The following PPM1E variants were observed in gnomAD, a reference collection of about 807,000 sequenced individuals.
The protein encoded by PPM1E is protein phosphatase, Mg2+/Mn2+ dependent 1E.
A neutral mutation model predicts 65.9 loss-of-function variants in PPM1E; 20 were observed. The observed-to-expected ratio is 0.30, with a 90% CI of 0.21 to 0.44. The LOEUF (loss-of-function observed/expected upper bound fraction) is 0.44, where lower values mean the gene tolerates loss of function less well. PPM1E is among the 20% of genes least tolerant of loss of function. The pLI is 1.00. For missense variants in PPM1E, 713 were observed against 953.1 expected (o/e 0.75, Z 3.32); for synonymous variants, 352 against 374.9 (o/e 0.94, Z 0.70).
chr17:58,756,235 G>T lies in PPM1E; in HGVS notation c.238G>T (p.Asp80Tyr), dbSNP rs996865979. The T allele has an allele frequency of 6.4e-7, 1 of 1,552,908 alleles. No individual in the cohort carries two copies. The highest frequency in any genetic ancestry group is 1.4e-5 in the African/African-American group (1 of 73,316). ...CACGGTAGCCGCGACGGAGGAGGGG[G>T]ACCAGGAGCAAGACCCGGAGCCCGA... ...AATVAATEEGDQEQDPEPEEE... is the reference protein window; with the variant it reads ...AATVAATEEGYQEQDPEPEEE... The change falls in exon 1 of 7, where the codon GAC (aspartate) becomes TAC (tyrosine). Residue 80 changes from aspartate (D) to tyrosine (Y), a missense_variant. Asp to Tyr is a radical substitution (Grantham distance 160, BLOSUM62 -3). Around this residue, in one of 6 missense-constraint regions of PPM1E, gnomAD observed 212 missense variants for 204.0 expected, o/e 1.04. Coordinates refer to ENST00000308249, the MANE Select transcript of PPM1E (RefSeq NM_014906.5).
At chr17:58,786,656 T>C (rs1018906927) in intron 1 of PPM1E, among the ~76,000 whole-genome samples, 27 of 152,314 alleles carry the variant, frequency 1.8e-4, no homozygotes, top group African/African-American at 6.0e-4. Context: ...TTAAATATTT[T>C]TGGATTGCAG....
chr17:58,921,265 A>C (rs934791556), intron 1 of PPM1E, among the ~76,000 whole-genome samples: 2 of 152,322 alleles, frequency 1.3e-5, no homozygotes. Context: ...GAGGAGGTGA[A>C]ATGTTGGTCA....
chr17:58,910,388 C>G (rs1258066721), intron 1 of PPM1E, among the ~76,000 whole-genome samples: 1 of 152,124 alleles, frequency 6.6e-6, no homozygotes, highest in Admixed American at 6.6e-5. Context: ...TACCGCCCAT[C>G]TCTTTTTGCA....
intron 1 of PPM1E, among the ~76,000 whole-genome samples, chr17:58,819,985 C>T (rs902249185): frequency 1.3e-5 from 2 of 151,782 alleles, no homozygotes; most frequent in African/African-American, 2.4e-5. Context: ...TGCAGTGAGC[C>T]GAGATGGCAC....
At chr17:58,887,036 G>A (rs749373889) in intron 1 of PPM1E, among the ~76,000 whole-genome samples, 4 of 151,940 alleles carry the variant, frequency 2.6e-5, no homozygotes, top group African/African-American at 4.8e-5. Flanking sequence ...AAAAATGTTA[G>A]CACTGCATAT....
chr17:58,834,047 G>A (rs1239535142), intron 1 of PPM1E, among the ~76,000 whole-genome samples: 2 of 152,136 alleles, frequency 1.3e-5, no homozygotes, highest in African/African-American at 2.4e-5. Flanking sequence ...CTTCTTTTGC[G>A]AAGTGTCTGT....
chr17:58,826,226 G>A (rs1247080091), intron 1 of PPM1E, among the ~76,000 whole-genome samples: 1 of 151,180 alleles, frequency 6.6e-6, no homozygotes, highest in Non-Finnish European at 1.5e-5. Flanking sequence ...GAACCTAGGA[G>A]GCAGAGGTTG....
At chr17:58,773,561 T>A (rs1437667811) in intron 1 of PPM1E, among the ~76,000 whole-genome samples, 1 of 152,156 alleles carries the variant, frequency 6.6e-6, no homozygotes, top group Non-Finnish European at 1.5e-5. Flanking sequence ...TTCCTTTGTA[T>A]TATAAGTCAT....
chr17:58,816,783 TATATATA>T (rs1873234546), intron 1 of PPM1E, among the ~76,000 whole-genome samples: 8 of 12,048 alleles, frequency 6.6e-4, no homozygotes, highest in East Asian at 2.3e-3. Flanking sequence ...TATATATATA[TATATATA>T]TATATTTTTT....
chr17:58,968,102 A>G (rs2030374129), intron 3 of PPM1E, among the ~76,000 whole-genome samples: 1 of 152,124 alleles, frequency 6.6e-6, no homozygotes, highest in Non-Finnish European at 1.5e-5. Flanking sequence ...GCACCCGGCC[A>G]GGATTATTTC....
chr17:58,785,778 C>T (rs117604500), intron 1 of PPM1E, among the ~76,000 whole-genome samples: 46 of 152,018 alleles, frequency 3.0e-4, no homozygotes, highest in East Asian at 2.3e-3. Context: ...AATTGAAACA[C>T]GTTTCAGTTC....
chr17:58,848,895 T>G (rs1227376794), intron 1 of PPM1E, among the ~76,000 whole-genome samples: 1 of 152,236 alleles, frequency 6.6e-6, no homozygotes. Flanking sequence ...TGTGAATCCA[T>G]CTGGTCCTGG....
rs569362154 is a variant in PPM1E at position 58,756,006 on chromosome 17, C to T, written c.9C>T (p.Gly3=). 1 of 1,614,024 alleles carries T rather than the reference C, an allele frequency of 6.2e-7. No homozygotes were observed. Among genetic ancestry groups the T allele is most frequent in the South Asian group, 1.1e-5 (1 of 91,074 alleles). The change falls in exon 1 of 7, where the codon GGC becomes GGT. Residue 3 remains glycine, a synonymous_variant. Transcript: ENST00000308249. ...CTGGGGCATGAGCAGCGATGGCCGGCTGCATCCCTGAGGAGAAAACTTACC... is the reference window on the plus strand; with the variant it reads ...CTGGGGCATGAGCAGCGATGGCCGGTTGCATCCCTGAGGAGAAAACTTACC... MA[G]CIPEEKTYRR...
At chr17:58,942,794 T>C (rs2052091815) in intron 1 of PPM1E, among the ~76,000 whole-genome samples, 1 of 151,490 alleles carries the variant, frequency 6.6e-6, no homozygotes, top group Non-Finnish European at 1.5e-5. Flanking sequence ...CTGCACATTG[T>C]GCACATGTAC....
Position 58,903,794 on chromosome 17 carries a change from T to C in PPM1E, c.465-51855T>C, listed in dbSNP as rs2051524235. On this transcript the variant is annotated intron_variant, in intron 1 of 6. Transcript: ENST00000308249. ...AATAAAATGGGCACCTTGGATATTA[T>C]GTTTACTTCTTGTTGTAAAAAACAG... Among the ~76,000 whole-genome samples, 5 of 152,232 alleles carry C rather than the reference T, an allele frequency of 3.3e-5. No individual in the cohort carries two copies. In the South Asian group the frequency reaches 8.3e-4, roughly 25 times the overall value.
intron 1 of PPM1E, among the ~76,000 whole-genome samples, chr17:58,845,869 T>TG (rs1224240072): frequency 2.0e-5 from 3 of 152,106 alleles, no homozygotes; most frequent in Non-Finnish European, 4.4e-5. Flanking sequence ...TTAGTAGAGA[T>TG]GGAGTGTCAC....
At chr17:58,770,414 T>C (rs2049926037) in intron 1 of PPM1E, among the ~76,000 whole-genome samples, 2 of 152,112 alleles carry the variant, frequency 1.3e-5, no homozygotes, top group African/African-American at 4.8e-5. Flanking sequence ...TAGTTCCAGC[T>C]ACTCCAGAGG....
In PPM1E at chr17:58,895,271, A is replaced by G. The variant is rs144495084; in HGVS notation, c.465-60378A>G. ...TCCTTGGGTTTCTCTGTTCCCTGAG[A>G]CACAACACTATTGAAATTAGGCCAG... On this transcript the variant is annotated intron_variant, in intron 1 of 6. Transcript: ENST00000308249. Among the ~76,000 whole-genome samples the G allele has an allele frequency of 3.0e-3, 460 of 152,194 alleles. 2 individuals carry two copies. The highest frequency in any genetic ancestry group is 0.017 in the Middle Eastern group (5 of 294).
intron 6 of PPM1E, among the ~76,000 whole-genome samples, chr17:58,974,179 CA>C (rs1255043986): frequency 1.3e-5 from 2 of 152,150 alleles, no homozygotes; most frequent in Admixed American, 6.5e-5. Context: ...CATTTTGGGT[CA>C]AATCAGTATT....
Sources: allele counts gnomAD v4.1 joint callset (sites outside exome capture counted in the v4.1 genomes callset), GRCh38; gene constraint gnomAD v4.1.1; regional missense constraint gnomAD v4.1.1; transcripts MANE v1.5; gene names NCBI Gene and HGNC (gene_info 2026-07-23, HGNC 2026-07-21).